The following PTCHD4 variants were observed in gnomAD, a reference collection of about 807,000 sequenced individuals.
PTCHD4 encodes patched domain-containing protein 4.
In PTCHD4, 33 loss-of-function variants were observed where a neutral mutation model predicts 58.1. The ratio of observed to expected loss-of-function variants is 0.57; its 90% CI spans 0.43 to 0.76. The LOEUF (loss-of-function observed/expected upper bound fraction) is 0.76, where lower values mean the gene tolerates loss of function less well. PTCHD4 is among the 30% of genes least tolerant of loss of function. The probability of loss-of-function intolerance (pLI) is 0.00; values close to 1 mark genes in which losing one functional copy is unlikely to be tolerated. For synonymous variants in PTCHD4, 478 were observed against 409.6 expected (o/e 1.17, Z -2.02); for missense variants, 1,058 against 1,027.1 (o/e 1.03, Z -0.41).
In PTCHD4 at chr6:47,875,591, T is replaced by C. The variant is rs1473119628; in HGVS notation, c.*2712A>G. On this transcript the variant is annotated 3_prime_UTR_variant, in exon 5 of 5. Coordinates refer to ENST00000339488, the MANE Select transcript of PTCHD4 (RefSeq NM_001384253.1). The stretch of plus-strand genomic sequence containing the variant: ...CTACGGTGTCCTGGAAAAGATAATG[T>C]TCCTTCCAAAATGCCCTCTAGTCAC... 6.6e-6 allele frequency among the ~76,000 whole-genome samples: 1 copy of C among 151,874 alleles called. No homozygotes were observed. The highest frequency in any genetic ancestry group is 1.9e-4 in the East Asian group (1 of 5,150).
chr6:47,958,503 G>A (rs985488541), intron 4 of PTCHD4, among the ~76,000 whole-genome samples: 8 of 152,160 alleles, frequency 5.3e-5, no homozygotes, highest in Admixed American at 3.3e-4. Context: ...TCATTGCCTC[G>A]AGAGAGTTTC....
At chr6:47,967,654 G>A (rs1047883855) in intron 4 of PTCHD4, among the ~76,000 whole-genome samples, 1 of 152,110 alleles carries the variant, frequency 6.6e-6, no homozygotes, top group Non-Finnish European at 1.5e-5. Context: ...AGATTTTCTG[G>A]ATAACTTGCT....
At chr6:48,088,806 G>A (rs1449240275) in intron 1 of PTCHD4, among the ~76,000 whole-genome samples, 1 of 152,156 alleles carries the variant, frequency 6.6e-6, no homozygotes, top group African/African-American at 2.4e-5. Flanking sequence ...CGCTCTGGGA[G>A]GCCGAGGCGG....
intron 1 of PTCHD4, among the ~76,000 whole-genome samples, chr6:48,078,510 G>A (rs1765100755): frequency 6.6e-6 from 1 of 152,166 alleles, no homozygotes; most frequent in South Asian, 2.1e-4. Flanking sequence ...TCAATTTTTA[G>A]TCATTTAAAT....
chr6:47,933,642 A>T (rs1765900634), intron 4 of PTCHD4, among the ~76,000 whole-genome samples: 1 of 152,218 alleles, frequency 6.6e-6, no homozygotes, highest in African/African-American at 2.4e-5. Context: ...GACACAAGTC[A>T]ATTAATTACT....
intron 1 of PTCHD4, among the ~76,000 whole-genome samples, chr6:48,089,805 G>A (rs913175799): frequency 2.8e-4 from 42 of 152,124 alleles, no homozygotes; most frequent in Admixed American, 2.5e-3. Flanking sequence ...TCCCATGTGT[G>A]TCTCATCTTA....
intron 4 of PTCHD4, among the ~76,000 whole-genome samples, chr6:47,994,070 T>C (rs1035444778): frequency 2.0e-5 from 3 of 152,136 alleles, no homozygotes; most frequent in Non-Finnish European, 4.4e-5. Flanking sequence ...CGGGAGCAGG[T>C]AAGAAAGACT....
intron 4 of PTCHD4, among the ~76,000 whole-genome samples, chr6:47,917,064 C>T (rs2113877647): frequency 6.6e-6 from 1 of 152,090 alleles, no homozygotes; most frequent in Admixed American, 6.5e-5. Flanking sequence ...GTATGTAAAA[C>T]ATGATTATAT....
chr6:47,977,010 C>A (rs1410730505), intron 4 of PTCHD4, among the ~76,000 whole-genome samples: 1 of 152,056 alleles, frequency 6.6e-6, no homozygotes, highest in Non-Finnish European at 1.5e-5. Context: ...ATTAAAAGAG[C>A]ATGTATTCTG....
intron 4 of PTCHD4, among the ~76,000 whole-genome samples, chr6:47,935,399 T>C (rs1456404139): frequency 6.6e-6 from 1 of 152,172 alleles, no homozygotes; most frequent in Admixed American, 6.5e-5. Flanking sequence ...CACTTTGCAT[T>C]GTTCAGATGT....
chr6:47,999,808 A>G (rs1768650639), intron 4 of PTCHD4, among the ~76,000 whole-genome samples: 2 of 152,206 alleles, frequency 1.3e-5, no homozygotes, highest in South Asian at 2.1e-4. Context: ...ACTCCAACCT[A>G]AAACAATTAT....
intron 4 of PTCHD4, among the ~76,000 whole-genome samples, chr6:47,990,201 G>T (rs2114031775): frequency 6.6e-6 from 1 of 152,218 alleles, no homozygotes; most frequent in South Asian, 2.1e-4. Flanking sequence ...AAAGTAACCA[G>T]CTTGCTTTTG....
chr6:48,061,898 AAGTT>A (rs746425674), intron 3 of PTCHD4, among the ~76,000 whole-genome samples: 8 of 152,194 alleles, frequency 5.3e-5, no homozygotes, highest in Non-Finnish European at 1.0e-4. Flanking sequence ...TTGTTTAACT[AAGTT>A]AGGGAAGAAA....
At chr6:47,986,484 G>C (rs369315892) in intron 4 of PTCHD4, among the ~76,000 whole-genome samples, 1 of 152,198 alleles carries the variant, frequency 6.6e-6, no homozygotes, top group African/African-American at 2.4e-5. Context: ...ATTCTCCAGC[G>C]TACAAATCCC....
At chr6:48,065,716 G>A (rs548401078) in intron 3 of PTCHD4, among the ~76,000 whole-genome samples, 55 of 152,138 alleles carry the variant, frequency 3.6e-4, no homozygotes, top group African/African-American at 1.3e-3. Context: ...ACTTGAGAGG[G>A]CCCATTGCTT....
At chr6:47,951,627 A>G (rs1185700848) in intron 4 of PTCHD4, among the ~76,000 whole-genome samples, 5 of 152,144 alleles carry the variant, frequency 3.3e-5, no homozygotes, top group African/African-American at 9.7e-5. Context: ...GGAAGGCTGG[A>G]TATTTTTGTA....
rs371607981 is a variant in PTCHD4 at position 48,008,641 on chromosome 6, G to A, written c.891C>T (p.Phe297=). The change falls in exon 4 of 5, where the codon TTC becomes TTT. Residue 297 remains phenylalanine, a synonymous_variant. Coordinates refer to ENST00000339488, the MANE Select transcript of PTCHD4 (RefSeq NM_001384253.1). ...YNSTLLGIPF[F]AMGHGTKGVF... is the part of the protein sequence containing the mutation. ...ACAAGGATGGATAGTTACCCATGGC[G>A]AAGAACGGGATTCCCAGCAGGGTGG... 3.2e-5 allele frequency: 51 copies of A among 1,612,572 alleles called. No individual in the cohort carries two copies. In the African/African-American group the frequency reaches 3.5e-4, roughly 11 times the overall value.
At chr6:47,952,899 CT>C (rs1287034175) in intron 4 of PTCHD4, among the ~76,000 whole-genome samples, 1 of 151,624 alleles carries the variant, frequency 6.6e-6, no homozygotes, top group African/African-American at 2.4e-5. Flanking sequence ...AGTATATATA[CT>C]ATACACATAC....
intron 4 of PTCHD4, among the ~76,000 whole-genome samples, chr6:47,911,303 G>A (rs1366582799): frequency 1.3e-5 from 2 of 152,020 alleles, no homozygotes; most frequent in South Asian, 2.1e-4. Flanking sequence ...TCTTCTGTAT[G>A]TAAGCCACTA....
Sources: allele counts gnomAD v4.1 joint callset (sites outside exome capture counted in the v4.1 genomes callset), GRCh38; gene constraint gnomAD v4.1.1; transcripts MANE v1.5; gene names NCBI Gene and HGNC (gene_info 2026-07-23, HGNC 2026-07-21).